Variants in KLHL1 observed in about 807,000 individuals in gnomAD.
KLHL1 encodes the protein kelch-like protein 1.
In KLHL1, 47 loss-of-function variants were observed where a neutral mutation model predicts 77.7. The ratio of observed to expected loss-of-function variants is 0.60; its 90% confidence interval spans 0.48 to 0.77. KLHL1 has a LOEUF of 0.77. KLHL1 is among the 30% of genes least tolerant of loss of function. The pLI is 0.00. For missense variants in KLHL1, 925 were observed against 910.8 expected, an observed-to-expected ratio of 1.02 and a Z score of -0.20; for synonymous variants, 360 against 325.2, an observed-to-expected ratio of 1.11 and a Z score of -1.15.
At position 69,852,255 on chromosome 13, in the gene KLHL1, T is replaced by C. The variant is rs1013605761; in HGVS notation, c.1228-13093A>G. 4.0e-5 allele frequency among the ~76,000 whole-genome samples: 6 copies of C among 151,880 alleles called. No homozygotes were observed. The Admixed American group carries it at 4.0e-4, about 10-fold the overall frequency. On this transcript the variant is annotated intron_variant, in intron 5 of 10. Coordinates refer to ENST00000377844, the MANE Select transcript of KLHL1 (RefSeq NM_020866.3). ...TTCACACTCCATCCGGAATAGGTAA[T>C]GGCCTCACGTCTGTAAAAAGCATCT...
chr13:69,949,160 A>T (rs1158727877), intron 3 of KLHL1, among the ~76,000 whole-genome samples: 2 of 151,876 alleles, frequency 1.3e-5, no homozygotes, highest in African/African-American at 2.4e-5. Context: ...TTGTTACATT[A>T]TTATTAACTA....
chr13:70,060,503 T>A (rs146397845), intron 1 of KLHL1, among the ~76,000 whole-genome samples: 1 of 151,198 alleles, frequency 6.6e-6, no homozygotes, highest in African/African-American at 2.4e-5. Context: ...AGCCAAAATT[T>A]GGAAGGAAAA....
chr13:70,015,607 T>C (rs1212833876), intron 1 of KLHL1, among the ~76,000 whole-genome samples: 1 of 152,174 alleles, frequency 6.6e-6, no homozygotes, highest in Non-Finnish European at 1.5e-5. Context: ...TTCAATAAAT[T>C]ACATGAGATG....
At chr13:69,770,584 C>T (rs1427578738) in intron 7 of KLHL1, among the ~76,000 whole-genome samples, 1 of 152,156 alleles carries the variant, frequency 6.6e-6, no homozygotes, top group African/African-American at 2.4e-5. Context: ...GGCAATCCTC[C>T]TGCCTTGGCC....
intron 1 of KLHL1, among the ~76,000 whole-genome samples, chr13:70,075,358 T>C (rs373301947): frequency 6.6e-6 from 1 of 151,224 alleles, no homozygotes. Context: ...ATAAAAGCTA[T>C]AAAAATTGAA....
At chr13:69,791,906 CTAAA>C (rs962425793) in intron 7 of KLHL1, among the ~76,000 whole-genome samples, 17 of 151,940 alleles carry the variant, frequency 1.1e-4, no homozygotes, top group African/African-American at 3.6e-4. Context: ...AAACCACAAG[CTAAA>C]TAAATAAATA....
chr13:69,863,416 G>A (rs1031465763), intron 5 of KLHL1, among the ~76,000 whole-genome samples: 6 of 79,470 alleles, frequency 7.6e-5, no homozygotes, highest in Admixed American at 2.3e-4. Flanking sequence ...AACATATGTC[G>A]TTTGCTTCTC....
chr13:69,793,834 C>A (rs1448330905), intron 7 of KLHL1, among the ~76,000 whole-genome samples: 1 of 152,078 alleles, frequency 6.6e-6, no homozygotes, highest in African/African-American at 2.4e-5. Flanking sequence ...TTGTGACGTT[C>A]TGAGTGAGAT....
At chr13:70,070,576 G>T (rs1425007144) in intron 1 of KLHL1, among the ~76,000 whole-genome samples, 1 of 152,030 alleles carries the variant, frequency 6.6e-6, no homozygotes, top group Non-Finnish European at 1.5e-5. Flanking sequence ...CAAAGAATTT[G>T]TTGCTAGTAG....
intron 7 of KLHL1, among the ~76,000 whole-genome samples, chr13:69,787,097 T>G (rs1053179895): frequency 6.6e-6 from 1 of 152,170 alleles, no homozygotes; most frequent in African/African-American, 2.4e-5. Flanking sequence ...AGGTAATTTA[T>G]AGATTCAATG....
intron 3 of KLHL1, among the ~76,000 whole-genome samples, chr13:69,956,065 ATT>A (rs1273261850): frequency 9.6e-6 from 1 of 103,892 alleles, no homozygotes; most frequent in East Asian, 3.4e-4. Flanking sequence ...ATATTTATAT[ATT>A]TATTTGATAT....
intron 3 of KLHL1, among the ~76,000 whole-genome samples, chr13:69,946,554 C>A (rs1883531236): frequency 6.6e-6 from 1 of 151,866 alleles, no homozygotes; most frequent in East Asian, 1.9e-4. Flanking sequence ...ATTCTGTCAT[C>A]TGGGCTGAAG....
At chr13:69,780,105 G>A (rs1340833792) in intron 7 of KLHL1, among the ~76,000 whole-genome samples, 1 of 152,118 alleles carries the variant, frequency 6.6e-6, no homozygotes, top group African/African-American at 2.4e-5. Flanking sequence ...ACCGTGCCCA[G>A]CCATTTTTTC....
In KLHL1 at chr13:69,719,395, A is replaced by G. The variant is rs148819317; in HGVS notation, c.1989T>C (p.Cys663=). The change falls in exon 9 of 11, where the codon TGT becomes TGC. Residue 663 remains cysteine, a synonymous_variant. Transcript: ENST00000377844. The stretch of plus-strand genomic sequence containing the variant: ...TTTCTACATAATCCAGTAGCCGGGA[A>G]CAGTGATTTGAAGCAGGAGCATCAT... The part of the protein sequence containing the change: ...GGHDAPASNH[C]SRLLDYVERY... 95 of 1,613,482 alleles carry G rather than the reference A, an allele frequency of 5.9e-5. No individual in the cohort carries two copies. The African/African-American group carries it at 9.6e-4, about 16-fold the overall frequency.
At chr13:69,718,659 A>G (rs1330084) in intron 9 of KLHL1, among the ~76,000 whole-genome samples, 133,216 of 152,036 alleles carry the variant, frequency 0.88, 58,713 homozygotes, top group East Asian at 0.99. Context: ...AGTCCTTACT[A>G]CATACCATAT....
At chr13:69,777,195 C>A (rs555569496) in intron 7 of KLHL1, among the ~76,000 whole-genome samples, 1 of 152,098 alleles carries the variant, frequency 6.6e-6, no homozygotes, top group Non-Finnish European at 1.5e-5. Context: ...TCACCTTCCA[C>A]CATGACTCTG....
At chr13:69,903,423 G>T (rs1035704999) in intron 4 of KLHL1, among the ~76,000 whole-genome samples, 2 of 152,020 alleles carry the variant, frequency 1.3e-5, no homozygotes, top group Non-Finnish European at 2.9e-5. Flanking sequence ...TCAGCACTTA[G>T]CAAGTTTGCA....
intron 1 of KLHL1, among the ~76,000 whole-genome samples, chr13:70,015,239 C>CA (rs1230334044): frequency 6.6e-6 from 1 of 152,124 alleles, no homozygotes; most frequent in Admixed American, 6.6e-5. Flanking sequence ...GCCTACTGCA[C>CA]ACCTAGACAT....
intron 7 of KLHL1, among the ~76,000 whole-genome samples, chr13:69,795,043 C>T (rs1170311853): frequency 6.6e-6 from 1 of 152,010 alleles, no homozygotes; most frequent in African/African-American, 2.4e-5. Context: ...TACATAATGC[C>T]GAATTTCCTA....
Sources: gnomAD v4.1 joint callset for allele counts (sites outside exome capture counted in the v4.1 genomes callset) on GRCh38, gnomAD v4.1.1 for gene constraint, MANE v1.5 for transcripts, NCBI Gene and HGNC (gene_info 2026-07-23, HGNC 2026-07-21) for gene names.